NEIL3: variants seen among roughly 807,000 people sequenced by gnomAD.
NEIL3 encodes the protein endonuclease 8-like 3.
A neutral mutation model predicts 57.5 loss-of-function variants in NEIL3; 48 were observed. That is an observed-to-expected ratio of 0.83 (90% CI 0.66 to 1.06). NEIL3 has a LOEUF of 1.06. NEIL3 is among the 50% of genes least tolerant of loss of function. NEIL3 has a pLI of 0.00. For synonymous variants in NEIL3, 261 were observed against 253.2 expected (o/e 1.03, Z -0.29); for missense variants, 717 against 739.1 (o/e 0.97, Z 0.35).
In NEIL3 at chr4:177,353,647, T is replaced by G. The variant is rs145637230; in HGVS notation, c.1379T>G (p.Phe460Cys). The G allele has an allele frequency of 4.5e-5, 72 of 1,613,756 alleles. No homozygotes were observed. The highest frequency in any genetic ancestry group is 1.7e-5 in the Admixed American group (1 of 59,990). The change falls in exon 8 of 10, where the codon TTT becomes TGT. Residue 460 changes from phenylalanine to cysteine, a missense_variant. Coordinates refer to ENST00000264596, the MANE Select transcript of NEIL3 (RefSeq NM_018248.3). ...SPTISSESKL[F>C]SPAHKKPKTA... The stretch of plus-strand genomic sequence containing the variant: ...ACAATCAGTTCAGAATCTAAATTAT[T>G]TAGTCCAGCACATAAAAAACCGAAA...
At chr4:177,369,356 T>C in the NEIL3 span, among the ~76,000 whole-genome samples, 1 of 152,208 alleles carries the variant, frequency 6.6e-6, no homozygotes, top group East Asian at 1.9e-4. Context: ...GAAATATTCC[T>C]GTTTGGCTAG....
At chr4:177,322,100 C>G (rs1734696672) in intron 1 of NEIL3, among the ~76,000 whole-genome samples, 1 of 152,222 alleles carries the variant, frequency 6.6e-6, no homozygotes. Context: ...CTATATACTT[C>G]TGGAAATGGA....
intron 4 of NEIL3, among the ~76,000 whole-genome samples, chr4:177,338,600 T>C (rs1043419881): frequency 5.9e-5 from 9 of 152,240 alleles, no homozygotes; most frequent in South Asian, 2.1e-4. Flanking sequence ...AGGGTTTCTT[T>C]TGGGATTACC....
intron 6 of NEIL3, among the ~76,000 whole-genome samples, chr4:177,349,646 C>A (rs1263643775): frequency 6.6e-6 from 1 of 152,126 alleles, no homozygotes; most frequent in Non-Finnish European, 1.5e-5. Context: ...TGCCCTATGT[C>A]TTTGGGAGGC....
At chr4:177,349,356 G>A (rs1735303220) in intron 6 of NEIL3, among the ~76,000 whole-genome samples, 1 of 152,034 alleles carries the variant, frequency 6.6e-6, no homozygotes, top group Non-Finnish European at 1.5e-5. Context: ...GCTCCCTCTG[G>A]AGGAACTGGG....
intron 8 of NEIL3, among the ~76,000 whole-genome samples, chr4:177,355,963 A>C (rs991528167): frequency 2.6e-5 from 4 of 152,078 alleles, no homozygotes; most frequent in African/African-American, 9.7e-5. Flanking sequence ...TAAACTTTTA[A>C]CTGACTGGAT....
rs201805418 is a variant in NEIL3, at chr4:177,309,946, C to T, written c.-8C>T. ...TGCAATCGGTGGGCCACAGTGCCGG[C>T]CACAGAGATGGTGGAAGGACCAGGC... On this transcript the variant is annotated 5_prime_UTR_variant, in exon 1 of 10. Coordinates refer to ENST00000264596, the MANE Select transcript of NEIL3 (RefSeq NM_018248.3). The T allele has an allele frequency of 5.4e-4, 870 of 1,605,454 alleles. No individual in the cohort carries two copies. The highest frequency in any genetic ancestry group is 6.7e-4 in the Non-Finnish European group (789 of 1,176,568).
At chr4:177,323,622 C>A (rs772558271) in intron 2 of NEIL3, among the ~76,000 whole-genome samples, 13 of 152,098 alleles carry the variant, frequency 8.5e-5, no homozygotes, top group Non-Finnish European at 1.6e-4. Context: ...GTTGTTCATG[C>A]AGTAATGATA....
chr4:177,344,979 C>T (rs7667396), intron 6 of NEIL3, among the ~76,000 whole-genome samples: 2 of 151,816 alleles, frequency 1.3e-5, no homozygotes, highest in African/African-American at 2.4e-5. Context: ...AAATTTTTTT[C>T]GTTGTTATTT....
intron 2 of NEIL3, among the ~76,000 whole-genome samples, chr4:177,332,574 G>A (rs1462864655): frequency 1.3e-5 from 2 of 152,118 alleles, no homozygotes; most frequent in Non-Finnish European, 2.9e-5. Flanking sequence ...TCAAGAAGCA[G>A]ACAGAGTTTC....
intron 7 of NEIL3, 113 bp downstream of exon 7, chr4:177,351,662 T>C (rs1419569595): frequency 1.1e-6 from 1 of 878,542 alleles, no homozygotes; most frequent in Non-Finnish European, 1.7e-6. Context: ...AAAATTTCTT[T>C]CTCAAAGGTT....
intron 1 of NEIL3, among the ~76,000 whole-genome samples, chr4:177,312,372 T>C (rs1052644865): frequency 6.6e-6 from 1 of 152,238 alleles, no homozygotes. Context: ...TTTTTTAGCA[T>C]ACAACGGTAA....
At chr4:177,337,350 TA>T (rs1734997981) in intron 4 of NEIL3, among the ~76,000 whole-genome samples, 1 of 152,210 alleles carries the variant, frequency 6.6e-6, no homozygotes, top group South Asian at 2.1e-4. Flanking sequence ...ATCTTTTACA[TA>T]AACCCAGGTT....
chr4:177,313,261 G>A (rs986864714), intron 1 of NEIL3, among the ~76,000 whole-genome samples: 1 of 152,150 alleles, frequency 6.6e-6, no homozygotes, highest in Non-Finnish European at 1.5e-5. Context: ...AGTAGTTATT[G>A]CCATAATGGA....
chr4:177,312,449 T>C (rs1356873334), intron 1 of NEIL3, among the ~76,000 whole-genome samples: 4 of 152,224 alleles, frequency 2.6e-5, no homozygotes, highest in Non-Finnish European at 5.9e-5. Flanking sequence ...TCTTGGATTT[T>C]TGGCTGTGTC....
In NEIL3 at chr4:177,310,052, G is replaced by C; in HGVS notation, c.99G>C (p.Arg33=). ...AVTGVRGSAL[R]SLQGRALRLA... ...CCGGCGTGCGGGGAAGCGCTCTGCG[G>C]AGTCTGCAGGGCCGCGCCTTGCGGC... The change falls in exon 1 of 10, where the codon CGG becomes CGC. Residue 33 remains arginine, a synonymous_variant. Transcript: ENST00000264596. 2.5e-6 allele frequency: 4 copies of C among 1,608,410 alleles called. No individual in the cohort carries two copies. Among genetic ancestry groups the C allele is most frequent in the Non-Finnish European group, 3.4e-6 (4 of 1,178,180 alleles).
At chr4:177,360,433 G>A (rs1735583599) in intron 8 of NEIL3, 70 bp from the exon 9 acceptor site, 4 of 1,083,920 alleles carry the variant, frequency 3.7e-6, no homozygotes, top group Non-Finnish European at 5.1e-6. Flanking sequence ...TCTGACATGT[G>A]GGGGTAAAGT....
intron 6 of NEIL3, among the ~76,000 whole-genome samples, chr4:177,344,630 C>T (rs773794291): frequency 2.2e-4 from 33 of 151,356 alleles, no homozygotes; most frequent in Non-Finnish European, 1.6e-4. Flanking sequence ...GGTGTGATCT[C>T]GGCTCACTGC....
downstream of NEIL3, among the ~76,000 whole-genome samples, chr4:177,365,323 T>G (rs1579013321): frequency 6.6e-6 from 1 of 152,170 alleles, no homozygotes; most frequent in South Asian, 2.1e-4. Context: ...CCTGGTGCCC[T>G]GAGCTGCCAG....
Sources: gnomAD v4.1 joint callset for allele counts (sites outside exome capture counted in the v4.1 genomes callset) on GRCh38, gnomAD v4.1.1 for gene constraint, MANE v1.5 for transcripts, NCBI Gene and HGNC (gene_info 2026-07-23, HGNC 2026-07-21) for gene names.